DPP10: variants seen among roughly 807,000 people sequenced by gnomAD.
The protein encoded by DPP10 is inactive dipeptidyl peptidase 10.
DPP10 carries 33 observed loss-of-function variants against 120.9 expected under a neutral mutation model. The ratio of observed to expected loss-of-function variants is 0.27; its 90% CI spans 0.21 to 0.37. DPP10 has a LOEUF of 0.37. Among genes scored for constraint, DPP10 ranks in the 10% least tolerant of loss-of-function variants. DPP10 has a pLI of 1.00. For missense variants in DPP10, 816 were observed against 942.8 expected (o/e 0.87, Z 1.76); for synonymous variants, 337 against 326.1 (o/e 1.03, Z -0.36).
intron 1 of DPP10, among the ~76,000 whole-genome samples, chr2:114,895,435 T>C (rs1692887285): frequency 6.6e-6 from 1 of 152,186 alleles, no homozygotes. Flanking sequence ...GTGTTGTCCA[T>C]TGGAACATGC....
intron 3 of DPP10, among the ~76,000 whole-genome samples, chr2:115,485,257 CA>C (rs2075703799): frequency 3.0e-5 from 3 of 100,970 alleles, no homozygotes; most frequent in Non-Finnish European, 6.5e-5. Flanking sequence ...AAAAAAAAAA[CA>C]AACAAAAACC....
chr2:115,762,313 T>A (rs981199774), intron 11 of DPP10, among the ~76,000 whole-genome samples: 2 of 152,146 alleles, frequency 1.3e-5, no homozygotes, highest in Non-Finnish European at 2.9e-5. Flanking sequence ...TGGAAAATGA[T>A]CTTCTCTCCC....
At chr2:114,592,599 A>G (rs1691551341) in intron 1 of DPP10, among the ~76,000 whole-genome samples, 5 of 152,200 alleles carry the variant, frequency 3.3e-5, no homozygotes, top group Admixed American at 3.3e-4. Context: ...AACAAACCAT[A>G]TAAAAAAAGC....
At chr2:115,257,159 C>G (rs2059038449) in intron 1 of DPP10, among the ~76,000 whole-genome samples, 1 of 152,200 alleles carries the variant, frequency 6.6e-6, no homozygotes, top group African/African-American at 2.4e-5. Flanking sequence ...TCCTTATCTT[C>G]CTGTTTTCTT....
intron 3 of DPP10, among the ~76,000 whole-genome samples, chr2:115,440,374 C>T (rs952472131): frequency 6.6e-6 from 1 of 152,164 alleles, no homozygotes; most frequent in African/African-American, 2.4e-5. Flanking sequence ...CATTTATCTA[C>T]TGTATTATCT....
intron 1 of DPP10, among the ~76,000 whole-genome samples, chr2:114,488,530 G>A (rs1681708865): frequency 6.6e-6 from 1 of 152,154 alleles, no homozygotes. Flanking sequence ...TGTTGAATTA[G>A]GGCAAAAGTA....
chr2:115,111,219 T>C (rs1369815646), intron 1 of DPP10, among the ~76,000 whole-genome samples: 1 of 152,050 alleles, frequency 6.6e-6, no homozygotes, highest in Non-Finnish European at 1.5e-5. Flanking sequence ...CCTCTCACTT[T>C]CTTTCTTGAA....
At chr2:115,666,558 T>C (rs971607037) in intron 5 of DPP10, among the ~76,000 whole-genome samples, 1 of 152,182 alleles carries the variant, frequency 6.6e-6, no homozygotes, top group Non-Finnish European at 1.5e-5. Context: ...GGCCTCCAGC[T>C]ATATCCATGA....
At chr2:114,686,637 G>A (rs1274320429) in intron 1 of DPP10, among the ~76,000 whole-genome samples, 1 of 151,894 alleles carries the variant, frequency 6.6e-6, no homozygotes, top group Admixed American at 6.6e-5. Flanking sequence ...CTTAAGTTAT[G>A]TGGCTAACAT....
intron 5 of DPP10, among the ~76,000 whole-genome samples, chr2:115,608,030 C>A (rs1558918828): frequency 2.0e-5 from 3 of 152,022 alleles, no homozygotes; most frequent in Admixed American, 2.0e-4. Flanking sequence ...CTTTCTATGG[C>A]CTAAGAGACA....
At chr2:115,200,709 A>G (rs1001642671) in intron 1 of DPP10, among the ~76,000 whole-genome samples, 3 of 152,220 alleles carry the variant, frequency 2.0e-5, no homozygotes, top group Admixed American at 2.0e-4. Flanking sequence ...ACTCTGCTGA[A>G]TATAGGTCAG....
At chr2:115,243,363 T>G (rs1465778684) in intron 1 of DPP10, among the ~76,000 whole-genome samples, 1 of 152,154 alleles carries the variant, frequency 6.6e-6, no homozygotes, top group Admixed American at 6.6e-5. Flanking sequence ...ATGCTATATG[T>G]CTGAATGACT....
intron 1 of DPP10, among the ~76,000 whole-genome samples, chr2:114,502,350 A>G (rs1411060237): frequency 2.0e-5 from 3 of 152,198 alleles, no homozygotes; most frequent in Non-Finnish European, 4.4e-5. Flanking sequence ...CATTTTTCAA[A>G]CATTTAAACT....
intron 1 of DPP10, among the ~76,000 whole-genome samples, chr2:114,846,485 C>T (rs1435269266): frequency 2.0e-5 from 3 of 152,094 alleles, no homozygotes; most frequent in African/African-American, 7.2e-5. Context: ...CTTAATTGGG[C>T]TTCCATCTCT....
chr2:115,274,740 C>T (rs749316221), intron 1 of DPP10, among the ~76,000 whole-genome samples: 1 of 152,194 alleles, frequency 6.6e-6, no homozygotes, highest in Admixed American at 6.5e-5. Context: ...TGGAAAGACA[C>T]TATGCAAAAT....
chr2:114,646,196 A>AAAT (rs1488339134), intron 1 of DPP10, among the ~76,000 whole-genome samples: 47 of 151,248 alleles, frequency 3.1e-4, no homozygotes, highest in African/African-American at 1.1e-3. Context: ...ATAAATAAAT[A>AAAT]AAAAGGGGGA....
At chr2:115,625,289 G>A (rs752155861) in intron 5 of DPP10, among the ~76,000 whole-genome samples, 61 of 152,104 alleles carry the variant, frequency 4.0e-4, no homozygotes, top group Non-Finnish European at 8.1e-4. Context: ...AAATGTAAGT[G>A]TGGAAAAGAC....
chr2:115,399,649 T>G (rs2067922363), intron 3 of DPP10, among the ~76,000 whole-genome samples: 1 of 152,196 alleles, frequency 6.6e-6, no homozygotes, highest in Non-Finnish European at 1.5e-5. Context: ...AATATATTAA[T>G]TTATATGCTT....
intron 1 of DPP10, among the ~76,000 whole-genome samples, chr2:114,668,710 G>A (rs1011264263): frequency 6.6e-6 from 1 of 152,080 alleles, no homozygotes; most frequent in African/African-American, 2.4e-5. Flanking sequence ...AATGTATTTT[G>A]CTATGGAACA....
Sources: gnomAD v4.1 joint callset for allele counts (sites outside exome capture counted in the v4.1 genomes callset) on GRCh38, gnomAD v4.1.1 for gene constraint, MANE v1.5 for transcripts, NCBI Gene and HGNC (gene_info 2026-07-23, HGNC 2026-07-21) for gene names.